NLRP2: variants seen among roughly 807,000 people sequenced by gnomAD.
NLRP2 encodes the protein NLR family pyrin domain containing 2.
Under a neutral mutation model 97.2 loss-of-function variants are expected in NLRP2, and 107 were observed. The observed-to-expected ratio is 1.10, with a 90% confidence interval of 0.94 to 1.29. NLRP2 has a LOEUF of 1.29. Among genes scored for constraint, NLRP2 ranks in the 50% most tolerant of loss-of-function variants. NLRP2 has a pLI of 0.00. For synonymous variants in NLRP2, 663 were observed against 551.5 expected (o/e 1.20, Z -2.83); for missense variants, 1,495 against 1,330.3 (o/e 1.12, Z -1.93).
In NLRP2 at chr19:54,992,004, C is replaced by T. The variant is rs73609910; in HGVS notation, c.2708+1332C>T. On this transcript the variant is annotated intron_variant, in intron 10 of 12. Transcript: ENST00000448584. ...CATGATCTAGGCTCACTGCAACCTC[C>T]GGCTTCAAGGAGGTTGATTCTCCTG... Among the ~76,000 whole-genome samples, 1,391 of 149,572 alleles carry T rather than the reference C, an allele frequency of 9.3e-3. 13 individuals carry two copies. Among genetic ancestry groups the T allele is most frequent in the African/African-American group, 0.033 (1,328 of 40,724 alleles).
intron 1 of NLRP2, among the ~76,000 whole-genome samples, chr19:54,967,917 A>ATTTTTTTTTTT (rs55659818): frequency 7.9e-6 from 1 of 126,308 alleles, no homozygotes; most frequent in Non-Finnish European, 1.7e-5. Flanking sequence ...TGCTACTGCT[A>ATTTTTTTTTTT]TTTTTTTTTT....
At chr19:54,967,415 G>T (rs2070526305) in intron 1 of NLRP2, among the ~76,000 whole-genome samples, 1 of 152,128 alleles carries the variant, frequency 6.6e-6, no homozygotes. Flanking sequence ...CCGGGAAGCG[G>T]AGGTTGCGGG....
rs2071838798 is a variant in NLRP2 at position 54,983,872 on chromosome 19, A to G, written c.2030+144A>G. 9 of 1,280,916 alleles carry G rather than the reference A, an allele frequency of 7.0e-6. No individual in the cohort carries two copies. In the Admixed American group the frequency reaches 7.1e-5, roughly 10 times the overall value. 79.3% of individuals were successfully genotyped at this position (1,280,916 alleles called of 1,614,324 possible). A position where few individuals can be genotyped will look rare whatever the true frequency, so the allele number is the denominator to read the frequency against. ...ACTCTTTGTTTGTTTTTGTTTTGAGATGGAGTCTTGCTCTGTCGCTCAGGC... is the reference window on the plus strand; with the variant it reads ...ACTCTTTGTTTGTTTTTGTTTTGAGGTGGAGTCTTGCTCTGTCGCTCAGGC... On this transcript the variant is annotated intron_variant, in intron 6 of 12. Coordinates refer to ENST00000448584, the MANE Select transcript of NLRP2 (RefSeq NM_017852.5).
chr19:54,990,572 C>T lies in NLRP2; in HGVS notation c.2608C>T (p.Leu870=). Residue 870 remains leucine, a synonymous_variant, in exon 10 of 13, where the codon CTG becomes TTG. Transcript: ENST00000448584. Reference sequence around the variant, plus strand: ...TGCTGTGTTGGTTGTCAGCCGGGAGCTGACACACCTGTGCTTGGCCAAGAA... The same window carrying T: ...TGCTGTGTTGGTTGTCAGCCGGGAGTTGACACACCTGTGCTTGGCCAAGAA... ...LAAVLVVSRE[L]THLCLAKNPI... is the part of the protein sequence containing the mutation. The T allele has an allele frequency of 6.2e-7, 1 of 1,614,150 alleles. No homozygotes were observed. The highest frequency in any genetic ancestry group is 8.5e-7 in the Non-Finnish European group (1 of 1,180,024).
chr19:54,974,469 T>G (rs2071068092), intron 2 of NLRP2, 31 bp from the exon 3 acceptor site: 1 of 1,591,598 alleles, frequency 6.3e-7, no homozygotes, highest in East Asian at 2.2e-5. Flanking sequence ...TATGGTAAAA[T>G]GCAAAATTTT....
chr19:54,976,877 C>G (rs546489471), intron 3 of NLRP2: 2 of 395,204 alleles, frequency 5.1e-6, no homozygotes, highest in Non-Finnish European at 9.5e-6. Context: ...TGCAGTGGAG[C>G]GATCTTGGCT....
At chr19:54,993,742 C>A (rs1002781285) in intron 10 of NLRP2, 3 of 226,712 alleles carry the variant, frequency 1.3e-5, no homozygotes, top group Non-Finnish European at 1.7e-5. Flanking sequence ...ACACACACCC[C>A]CCTGTAATCC....
At chr19:54,966,825 C>CTTTTTTTTTTTTTTTTTTTTT (rs1044701142) in intron 1 of NLRP2, among the ~76,000 whole-genome samples, 5 of 74,988 alleles carry the variant, frequency 6.7e-5, no homozygotes, top group African/African-American at 5.7e-5. Context: ...CGCGCCCAGC[C>CTTTTTTTTTTTTTTTTTTTTT]TTTTTTTTTT....
intron 10 of NLRP2, chr19:54,991,182 G>T (rs1384020299): frequency 5.7e-6 from 1 of 176,666 alleles, no homozygotes; most frequent in African/African-American, 2.4e-5. Flanking sequence ...TTCTGGGCCA[G>T]TGTACGCTCA....
chr19:54,984,984 C>G (rs2071952513), intron 6 of NLRP2, 63 bp from the exon 7 acceptor site: 8 of 1,539,036 alleles, frequency 5.2e-6, no homozygotes, highest in Non-Finnish European at 2.7e-6. Context: ...CCCAGAGAAA[C>G]CCTAAATACT....
intron 1 of NLRP2, among the ~76,000 whole-genome samples, chr19:54,968,738 C>T (rs1038159398): frequency 8.9e-6 from 1 of 112,070 alleles, no homozygotes; most frequent in Admixed American, 9.9e-5. Flanking sequence ...CTTGTCGCCC[C>T]AGGCTGGAGT....
rs770383671 is a variant in NLRP2 at position 54,990,612 on chromosome 19, C to T, written c.2648C>T (p.Thr883Ile). ...TTGGCCAAGAACCCCATTGGGAATA[C>T]AGGGGTGAAGTTTCTGTGTGAGGGC... The part of the protein sequence containing the change: ...LCLAKNPIGN[T>I]GVKFLCEGLR... The change falls in exon 10 of 13, where the codon ACA (threonine) becomes ATA (isoleucine). Residue 883 changes from threonine (T) to isoleucine (I), a missense_variant. Thr to Ile is a moderately conservative substitution (Grantham distance 89). Coordinates refer to ENST00000448584, the MANE Select transcript of NLRP2 (RefSeq NM_017852.5). The T allele has an allele frequency of 2.5e-6, 4 of 1,614,148 alleles. No homozygotes were observed. The highest frequency in any genetic ancestry group is 1.6e-4 in the Middle Eastern group (1 of 6,062).
chr19:54,991,090 T>C (rs1210237755), intron 10 of NLRP2: 2 of 201,280 alleles, frequency 9.9e-6, no homozygotes, highest in Non-Finnish European at 2.0e-5. Context: ...GAACTATAAC[T>C]GTAACATAAA....
chr19:55,000,274 T>C (rs1022147073), intron 12 of NLRP2, among the ~76,000 whole-genome samples: 9 of 30,334 alleles, frequency 3.0e-4, no homozygotes, highest in Non-Finnish European at 5.1e-4. Flanking sequence ...GACTGTCTTT[T>C]TTTTTTTTTT....
Position 54,971,995 on chromosome 19 carries a change from ATTTTTTTT to A in NLRP2, c.280+1713_280+1720del, listed in dbSNP as rs61335843. Among the ~76,000 whole-genome samples, 903 of 116,420 alleles carry A rather than the reference ATTTTTTTT, an allele frequency of 7.8e-3. 13 individuals are homozygous for A. The highest frequency in any genetic ancestry group is 0.028 in the African/African-American group (848 of 29,926). The allele number at this position is 116,420 out of a possible 152,430, so 76.4% of individuals were successfully genotyped here. Reference sequence around the variant, plus strand: ...AAGCATGTCCCACCATGCCTGGCTGATTTTTTTTTTTTTTTTTTTTGTATTCTAAATAG... The same window carrying A: ...AAGCATGTCCCACCATGCCTGGCTGATTTTTTTTTTTTGTATTCTAAATAG... On this transcript the variant is annotated intron_variant, in intron 2 of 12. Coordinates refer to ENST00000448584, the MANE Select transcript of NLRP2 (RefSeq NM_017852.5).
intron 3 of NLRP2, 89 bp from the exon 4 acceptor site, chr19:54,977,663 C>G (rs540183719): frequency 8.1e-7 from 1 of 1,239,580 alleles, no homozygotes; most frequent in East Asian, 2.3e-5. Flanking sequence ...CTAGGCTTCA[C>G]TACTGAGACT....
upstream of NLRP2, among the ~76,000 whole-genome samples, chr19:54,965,790 C>CTTGT (rs1423485884): frequency 1.2e-5 from 1 of 84,814 alleles, no homozygotes; most frequent in African/African-American, 4.7e-5. Flanking sequence ...GTGGCGCATG[C>CTTGT]TTGTAATCTC....
intron 8 of NLRP2, among the ~76,000 whole-genome samples, chr19:54,988,340 T>G (rs1219557950): frequency 6.6e-6 from 1 of 152,184 alleles, no homozygotes; most frequent in Non-Finnish European, 1.5e-5. Context: ...TCTCCTAGGC[T>G]GGAGTGCAGT....
Position 54,981,646 on chromosome 19 carries a change from T to C in NLRP2, c.427T>C (p.Cys143Arg). ...AFTETKGNVI[C>R]LGKEVFKGKK... ...TACAGAAACGAAAGGAAATGTCATC[T>C]GCCTGGGTAAAGAAGTCTTTAAAGG... Residue 143 changes from cysteine to arginine, a missense_variant, in exon 5 of 13, where the codon TGC becomes CGC. Transcript: ENST00000448584. The C allele has an allele frequency of 6.3e-7, 1 of 1,598,146 alleles. No homozygotes were observed. Among genetic ancestry groups the C allele is most frequent in the Non-Finnish European group, 8.6e-7 (1 of 1,165,564 alleles).
Sources: allele counts gnomAD v4.1 joint callset (sites outside exome capture counted in the v4.1 genomes callset), GRCh38; gene constraint gnomAD v4.1.1; transcripts MANE v1.5; gene names NCBI Gene and HGNC (gene_info 2026-07-23, HGNC 2026-07-21).